Variants in PIWIL1 observed in about 807,000 individuals in gnomAD.
PIWIL1 encodes the protein piwi like RNA-mediated gene silencing 1.
A neutral mutation model predicts 114.4 loss-of-function variants in PIWIL1; 73 were observed. The observed-to-expected ratio is 0.64, with a 90% CI of 0.53 to 0.78. The LOEUF (loss-of-function observed/expected upper bound fraction) is 0.78, where lower values mean the gene tolerates loss of function less well. PIWIL1 is among the 30% of genes least tolerant of loss of function. PIWIL1 has a pLI of 0.00. For synonymous variants in PIWIL1, 375 were observed against 369.0 expected (o/e 1.02, Z -0.19); for missense variants, 723 against 1,063.1 (o/e 0.68, Z 4.45).
chr12:130,357,638 CT>C, intron 14 of PIWIL1, 85 bp downstream of exon 14: 2 of 838,904 alleles, frequency 2.4e-6, no homozygotes, highest in Admixed American at 2.0e-5. Context: ...ACTTGGAGTT[CT>C]TTTTTCAAAT....
chr12:130,348,279 C>T (rs1593092342), intron 7 of PIWIL1, 96 bp downstream of exon 7: 2 of 647,686 alleles, frequency 3.1e-6, no homozygotes, highest in East Asian at 5.4e-5. Context: ...ACTACAGTGA[C>T]TGTTAATGCC....
the PIWIL1 span, among the ~76,000 whole-genome samples, chr12:130,380,514 T>A: frequency 6.6e-6 from 1 of 152,210 alleles, no homozygotes; most frequent in Non-Finnish European, 1.5e-5. Flanking sequence ...AAGAACTCTG[T>A]GGAATATCCC....
At chr12:130,392,364 C>T in the PIWIL1 span, among the ~76,000 whole-genome samples, 5 of 28,274 alleles carry the variant, frequency 1.8e-4, no homozygotes, top group South Asian at 1.5e-3. Flanking sequence ...ATGACCCGGT[C>T]ACCGTCATCA....
chr12:130,391,835 G>T, the PIWIL1 span, among the ~76,000 whole-genome samples: 2 of 152,150 alleles, frequency 1.3e-5, no homozygotes, highest in African/African-American at 4.8e-5. Context: ...CCTTAACAGA[G>T]ATGCTGCTCC....
At chr12:130,407,749 T>A in the PIWIL1 span, 79 of 1,613,918 alleles carry the variant, frequency 4.9e-5, no homozygotes, top group Non-Finnish European at 6.1e-5. Flanking sequence ...TTGGGCGAGC[T>A]TTCTCTGGGG....
At chr12:130,384,667 A>T in the PIWIL1 span, among the ~76,000 whole-genome samples, 4 of 152,150 alleles carry the variant, frequency 2.6e-5, no homozygotes, top group African/African-American at 9.7e-5. Flanking sequence ...GGTTTTATAC[A>T]AGCTTGGCCA....
the PIWIL1 span, among the ~76,000 whole-genome samples, chr12:130,407,465 GTTCT>G: frequency 6.6e-6 from 1 of 152,324 alleles, no homozygotes; most frequent in Non-Finnish European, 1.5e-5. Flanking sequence ...ATGACAGATT[GTTCT>G]TTCTGTCATG....
chr12:130,357,193 C>A, intron 13 of PIWIL1, 88 bp downstream of exon 13: 4 of 1,083,886 alleles, frequency 3.7e-6, no homozygotes, highest in Non-Finnish European at 5.3e-6. Flanking sequence ...ACTACGTTAT[C>A]TTAATTGAAA....
At chr12:130,421,232 G>A in the PIWIL1 span, among the ~76,000 whole-genome samples, 70 of 152,324 alleles carry the variant, frequency 4.6e-4, no homozygotes, top group African/African-American at 1.6e-3. Context: ...TAGAATACCC[G>A]AAAGGAATCT....
chr12:130,405,012 ATAGT>A, the PIWIL1 span, among the ~76,000 whole-genome samples: 2 of 152,212 alleles, frequency 1.3e-5, no homozygotes, highest in African/African-American at 4.8e-5. Flanking sequence ...ATTTGTTCTC[ATAGT>A]TAGGAAAAAA....
intron 9 of PIWIL1, among the ~76,000 whole-genome samples, chr12:130,350,399 T>G (rs1352763206): frequency 6.6e-6 from 1 of 152,248 alleles, no homozygotes; most frequent in Non-Finnish European, 1.5e-5. Context: ...GCCTGTGGGT[T>G]AACTCTTAAC....
the PIWIL1 span, chr12:130,414,820 T>C: frequency 6.5e-6 from 1 of 153,168 alleles, no homozygotes; most frequent in African/African-American, 2.4e-5. Flanking sequence ...CAACTCCATA[T>C]ACCACCCAGC....
chr12:130,411,501 A>G, the PIWIL1 span, among the ~76,000 whole-genome samples: 1 of 152,190 alleles, frequency 6.6e-6, no homozygotes. Flanking sequence ...CAGGGGGCAC[A>G]TAGATATATC....
the PIWIL1 span, among the ~76,000 whole-genome samples, chr12:130,423,419 T>C: frequency 2.6e-5 from 4 of 152,202 alleles, no homozygotes; most frequent in African/African-American, 7.2e-5. Context: ...CCTGGCGCCA[T>C]GTGGATGGCT....
In PIWIL1 at chr12:130,357,415, G is replaced by C. The variant is rs946340230; in HGVS notation, c.1593-66G>C. The C allele has an allele frequency of 1.6e-5, 18 of 1,137,004 alleles. No homozygotes were observed. The African/African-American group carries it at 2.5e-4, about 16-fold the overall frequency. The allele number at this position is 1,137,004 out of a possible 1,614,324, so 70.4% of individuals were successfully genotyped here. On this transcript the variant is annotated intron_variant, in intron 13 of 20. Coordinates refer to ENST00000245255, the MANE Select transcript of PIWIL1 (RefSeq NM_004764.5). ...AAACGTTTCCTGTGTTACACAGGAAGGTGTTTATGCACGGTCCATTTGTCG... is the reference window on the plus strand; with the variant it reads ...AAACGTTTCCTGTGTTACACAGGAACGTGTTTATGCACGGTCCATTTGTCG...
At chr12:130,417,533 A>G in the PIWIL1 span, among the ~76,000 whole-genome samples, 3 of 152,230 alleles carry the variant, frequency 2.0e-5, no homozygotes, top group African/African-American at 7.2e-5. Flanking sequence ...TTGGGTCCAC[A>G]TAGACACGAA....
downstream of PIWIL1, among the ~76,000 whole-genome samples, chr12:130,372,833 C>A (rs71466500): frequency 6.6e-6 from 1 of 152,106 alleles, no homozygotes; most frequent in African/African-American, 2.4e-5. Flanking sequence ...TTCTCAGGAA[C>A]GTTTGCAAAG....
intron 14 of PIWIL1, among the ~76,000 whole-genome samples, chr12:130,358,087 C>T (rs1328404395): frequency 1.3e-5 from 2 of 152,138 alleles, no homozygotes; most frequent in Non-Finnish European, 2.9e-5. Context: ...TACCTGCAAA[C>T]GTGTTGTTGT....
the PIWIL1 span, among the ~76,000 whole-genome samples, chr12:130,391,093 G>A: frequency 6.6e-6 from 1 of 152,200 alleles, no homozygotes; most frequent in African/African-American, 2.4e-5. Flanking sequence ...TAGAATGGCT[G>A]TGGGCGTCTC....
Sources: gnomAD v4.1 joint callset for allele counts (sites outside exome capture counted in the v4.1 genomes callset) on GRCh38, gnomAD v4.1.1 for gene constraint, MANE v1.5 for transcripts, NCBI Gene and HGNC (gene_info 2026-07-23, HGNC 2026-07-21) for gene names.